Variants in PLCL2 observed in about 807,000 individuals in gnomAD.
The protein encoded by PLCL2 is phospholipase C like 2, also known as inactive phospholipase C-like protein 2.
A neutral mutation model predicts 79.6 loss-of-function variants in PLCL2; 4 were observed. That is an observed-to-expected ratio of 0.05 (90% CI 0.02 to 0.11). PLCL2 has a LOEUF of 0.11. Ranked by LOEUF, PLCL2 falls within the 10% of genes least tolerant of loss-of-function variation. PLCL2 has a pLI of 1.00. For synonymous variants in PLCL2, 484 were observed against 457.7 expected (o/e 1.06, Z -0.73); for missense variants, 895 against 1,291.0 (o/e 0.69, Z 4.70).
intron 1 of PLCL2, among the ~76,000 whole-genome samples, chr3:16,952,047 C>T (rs1237727153): frequency 6.6e-6 from 1 of 151,870 alleles, no homozygotes; most frequent in Admixed American, 6.6e-5. Context: ...TGATAGAAAC[C>T]TGAGGACTTA....
In PLCL2 at chr3:16,887,632, T is replaced by C. The variant is rs1000215171; in HGVS notation, c.327+2266T>C. ...CCCTTTGAATTGGTGCCTTGAAGCATCAAGATTTTTGGAATGTATTGTGGT... is the reference window on the plus strand; with the variant it reads ...CCCTTTGAATTGGTGCCTTGAAGCACCAAGATTTTTGGAATGTATTGTGGT... On this transcript the variant is annotated intron_variant, in intron 1 of 5. Transcript: ENST00000615277. This position sits in a 1 kb window ranked among gnomAD's most constrained non-coding sequence, Gnocchi z 4.1. 1.3e-5 allele frequency among the ~76,000 whole-genome samples: 2 copies of C among 152,214 alleles called. No homozygotes were observed. The highest frequency in any genetic ancestry group is 4.8e-5 in the African/African-American group (2 of 41,454).
chr3:16,892,721 G>A (rs912888014), intron 1 of PLCL2, among the ~76,000 whole-genome samples: 3 of 152,194 alleles, frequency 2.0e-5, no homozygotes, highest in Non-Finnish European at 4.4e-5. Context: ...ATTGGGTGAA[G>A]AAGAGATACT....
chr3:17,022,251 C>T (rs2064463434), intron 3 of PLCL2, among the ~76,000 whole-genome samples: 1 of 152,168 alleles, frequency 6.6e-6, no homozygotes, highest in Non-Finnish European at 1.5e-5. Context: ...AATACTACTA[C>T]ATTTTTTATA....
intron 1 of PLCL2, among the ~76,000 whole-genome samples, chr3:16,972,441 G>A (rs115223336): frequency 0.025 from 3,800 of 152,214 alleles, 164 homozygotes; most frequent in African/African-American, 0.085. Context: ...TTTAGAGTAC[G>A]TGCCATGTGC....
intron 1 of PLCL2, among the ~76,000 whole-genome samples, chr3:16,995,546 C>T (rs992355057): frequency 6.6e-6 from 1 of 152,192 alleles, no homozygotes; most frequent in African/African-American, 2.4e-5. Context: ...TCTTTACTAC[C>T]CCAAATCCAT....
intron 3 of PLCL2, among the ~76,000 whole-genome samples, chr3:17,024,532 A>G (rs1433345305): frequency 6.6e-6 from 1 of 152,240 alleles, no homozygotes; most frequent in South Asian, 2.1e-4. Flanking sequence ...TAGTATGCAC[A>G]GAATAGTATT....
chr3:16,930,298 C>T (rs1023278352), intron 1 of PLCL2, among the ~76,000 whole-genome samples: 5 of 152,060 alleles, frequency 3.3e-5, no homozygotes, highest in African/African-American at 4.8e-5. Context: ...GAAAGAACAC[C>T]CAAATTTGAG....
intron 1 of PLCL2, among the ~76,000 whole-genome samples, chr3:16,905,276 T>G (rs1410432192): frequency 6.6e-6 from 1 of 152,182 alleles, no homozygotes; most frequent in Non-Finnish European, 1.5e-5. Flanking sequence ...TCTTTACACA[T>G]GCTATCCTAG....
chr3:17,081,732 C>G lies in PLCL2; in HGVS notation c.3205-8001C>G, dbSNP rs75367356. Among the ~76,000 whole-genome samples the G allele has an allele frequency of 7.3e-3, 1,119 of 152,314 alleles. 16 individuals are homozygous for G. The highest frequency in any genetic ancestry group is 0.026 in the African/African-American group (1,071 of 41,554). Reference sequence around the variant, plus strand: ...TTTCCTGGCTGCTCTGGCCTCTGATCCAATCCCAGGTAAGCCACAGGCTCA... The same window carrying G: ...TTTCCTGGCTGCTCTGGCCTCTGATGCAATCCCAGGTAAGCCACAGGCTCA... On this transcript the variant is annotated intron_variant, in intron 5 of 5. Coordinates refer to ENST00000615277, the MANE Select transcript of PLCL2 (RefSeq NM_001144382.2).
At position 17,009,807 on chromosome 3, in the gene PLCL2, C is replaced by G. The variant is rs778209736; in HGVS notation, c.461C>G (p.Ser154Cys). The stretch of plus-strand genomic sequence containing the variant: ...GGTTCAGAACTCAAAAAGGTTCGCT[C>G]CAACTCTAGAATTTATCATAGGTAC... Reference protein sequence around the residue: ...VEGSELKKVRSNSRIYHRYFL... With the variant: ...VEGSELKKVRCNSRIYHRYFL... Residue 154 changes from serine to cysteine, a missense_variant, in exon 2 of 6, where the codon TCC becomes TGC. Ser to Cys is a moderately radical substitution (Grantham distance 112, BLOSUM62 -1). Coordinates refer to ENST00000615277, the MANE Select transcript of PLCL2 (RefSeq NM_001144382.2). The surrounding 1 kb of genome is among the most constrained non-coding windows in gnomAD (Gnocchi z 4.0). 1.2e-6 allele frequency: 2 copies of G among 1,613,730 alleles called. No individual in the cohort carries two copies. The highest frequency in any genetic ancestry group is 2.2e-5 in the South Asian group (2 of 91,066).
At chr3:17,012,746 A>G (rs2064340846) in intron 2 of PLCL2, among the ~76,000 whole-genome samples, 1 of 152,200 alleles carries the variant, frequency 6.6e-6, no homozygotes, top group South Asian at 2.1e-4. Flanking sequence ...TAATGGCTAA[A>G]AGCAGTCAGT....
At chr3:16,916,057 A>G (rs923849275) in intron 1 of PLCL2, among the ~76,000 whole-genome samples, 1 of 152,196 alleles carries the variant, frequency 6.6e-6, no homozygotes, top group Non-Finnish European at 1.5e-5. Flanking sequence ...ATAATCTTAA[A>G]AAGCATTCTG....
chr3:17,029,452 T>G (rs957943325), intron 3 of PLCL2, among the ~76,000 whole-genome samples: 1 of 151,792 alleles, frequency 6.6e-6, no homozygotes, highest in African/African-American at 2.4e-5. Flanking sequence ...CTGGCTATGA[T>G]AGGAGAGAAA....
chr3:17,021,150 C>G (rs1406100632), intron 3 of PLCL2, among the ~76,000 whole-genome samples: 1 of 151,874 alleles, frequency 6.6e-6, no homozygotes, highest in African/African-American at 2.4e-5. Context: ...TAAGAATAAG[C>G]TAAAAATGAA....
rs1696261799 is a variant in PLCL2, at chr3:16,887,943, C to T, written c.327+2577C>T. Among the ~76,000 whole-genome samples the T allele has an allele frequency of 6.6e-6, 1 of 151,942 alleles. No individual in the cohort carries two copies. Among genetic ancestry groups the T allele is most frequent in the Non-Finnish European group, 1.5e-5 (1 of 68,002 alleles). On this transcript the variant is annotated intron_variant, in intron 1 of 5. Coordinates refer to ENST00000615277, the MANE Select transcript of PLCL2 (RefSeq NM_001144382.2). The surrounding 1 kb of genome is among the most constrained non-coding windows in gnomAD (Gnocchi z 4.1). The stretch of plus-strand genomic sequence containing the variant: ...GTAGAGGCAGGAGTAGATTAGTAAG[C>T]AAGGTGATAATTGGGGACTTGAGGG...
At chr3:16,923,545 C>G (rs1023434087) in intron 1 of PLCL2, among the ~76,000 whole-genome samples, 6 of 152,220 alleles carry the variant, frequency 3.9e-5, no homozygotes, top group Non-Finnish European at 8.8e-5. Context: ...CAGACTTTCA[C>G]TCTTCTTGTG....
At chr3:16,970,419 C>A (rs1256157892) in intron 1 of PLCL2, among the ~76,000 whole-genome samples, 3 of 149,508 alleles carry the variant, frequency 2.0e-5, no homozygotes, top group African/African-American at 7.4e-5. Flanking sequence ...GCATAGTATT[C>A]CATGGTGTAT....
chr3:17,004,173 C>G (rs186281166), intron 1 of PLCL2, among the ~76,000 whole-genome samples: 2 of 152,118 alleles, frequency 1.3e-5, no homozygotes, highest in South Asian at 2.1e-4. Flanking sequence ...CTGATGCATA[C>G]AAGAACAGTT....
chr3:16,885,488 G>A (rs1696197798), intron 1 of PLCL2, 122 bp downstream of exon 1: 8 of 485,296 alleles, frequency 1.6e-5, no homozygotes, highest in Non-Finnish European at 2.6e-5. Context: ...GAGCATGGGT[G>A]CTTGGGGTGG....
Sources: allele counts gnomAD v4.1 joint callset (sites outside exome capture counted in the v4.1 genomes callset), GRCh38; gene constraint gnomAD v4.1.1; non-coding constraint Gnocchi (gnomAD v3.1); transcripts MANE v1.5; gene names NCBI Gene and HGNC (gene_info 2026-07-23, HGNC 2026-07-21).